The following TESK2 variants were observed in gnomAD, a reference collection of about 807,000 sequenced individuals.
TESK2 encodes the protein testis associated actin remodelling kinase 2.
TESK2 carries 39 observed loss-of-function variants against 57.1 expected under a neutral mutation model. The ratio of observed to expected loss-of-function variants is 0.68; its 90% CI spans 0.53 to 0.89. TESK2 has a LOEUF of 0.89. TESK2 is among the 40% of genes least tolerant of loss of function. TESK2 has a pLI of 0.00. For missense variants in TESK2, 646 were observed against 732.1 expected (o/e 0.88, Z 1.36); for synonymous variants, 249 against 267.9 (o/e 0.93, Z 0.69).
rs527974891 is a variant in TESK2, at chr1:45,476,663, C to T, written c.-87+14189G>A. Among the ~76,000 whole-genome samples, 6 of 151,046 alleles carry T rather than the reference C, an allele frequency of 4.0e-5. No homozygotes were observed. The South Asian group carries it at 8.4e-4, about 21-fold the overall frequency. ...GAGATCAAGGCCATCCTGGCTAACA[C>T]GGTGAAACCCCATCTCTACTAAAAA... On this transcript the variant is annotated intron_variant, in intron 1 of 10. Coordinates refer to ENST00000372086, the MANE Select transcript of TESK2 (RefSeq NM_007170.3).
intron 3 of TESK2, among the ~76,000 whole-genome samples, chr1:45,392,754 G>A (rs895961121): frequency 6.6e-6 from 1 of 151,926 alleles, no homozygotes; most frequent in African/African-American, 2.4e-5. Context: ...TGTTGCCCAG[G>A]CTGGTCTCAA....
chr1:45,346,956 T>C (rs773469070), intron 8 of TESK2, 23 bp downstream of exon 8: 1 of 1,612,758 alleles, frequency 6.2e-7, no homozygotes, highest in African/African-American at 1.3e-5. Flanking sequence ...TCAGTGGCAA[T>C]GATCCCCATG....
At chr1:45,438,808 G>A (rs1397280997) in intron 2 of TESK2, among the ~76,000 whole-genome samples, 1 of 152,108 alleles carries the variant, frequency 6.6e-6, no homozygotes, top group South Asian at 2.1e-4. Flanking sequence ...AACTTTTACA[G>A]TGAGATCTCA....
intron 3 of TESK2, among the ~76,000 whole-genome samples, chr1:45,400,567 C>T (rs1022628463): frequency 6.6e-6 from 1 of 152,198 alleles, no homozygotes; most frequent in African/African-American, 2.4e-5. Flanking sequence ...TAGACTTTAA[C>T]TCTTTGTAAA....
intron 2 of TESK2, among the ~76,000 whole-genome samples, chr1:45,422,259 C>T (rs1039551643): frequency 7.9e-5 from 12 of 152,116 alleles, no homozygotes; most frequent in South Asian, 2.1e-4. Flanking sequence ...GGAAACAACA[C>T]GCACCAGGGC....
At chr1:45,447,428 C>G (rs1236788091) in intron 2 of TESK2, among the ~76,000 whole-genome samples, 2 of 151,824 alleles carry the variant, frequency 1.3e-5, no homozygotes, top group Non-Finnish European at 2.9e-5. Context: ...AGGTCAGGAT[C>G]ATAATATCAC....
At chr1:45,364,387 AC>A (rs1647819849) in intron 4 of TESK2, among the ~76,000 whole-genome samples, 1 of 152,212 alleles carries the variant, frequency 6.6e-6, no homozygotes, top group South Asian at 2.1e-4. Flanking sequence ...TTGGACTGAG[AC>A]ATCTACAAGC....
chr1:45,392,445 G>C (rs1649184361), intron 3 of TESK2, among the ~76,000 whole-genome samples: 1 of 151,194 alleles, frequency 6.6e-6, no homozygotes, highest in Non-Finnish European at 1.5e-5. Context: ...GCTCACGCCT[G>C]TAATCCCAGC....
chr1:45,464,403 G>A (rs947449353), intron 1 of TESK2, among the ~76,000 whole-genome samples: 9 of 146,756 alleles, frequency 6.1e-5, no homozygotes, highest in Non-Finnish European at 1.3e-4. Flanking sequence ...CAGCCTTGGC[G>A]ACAGAGCAAG....
intron 2 of TESK2, among the ~76,000 whole-genome samples, chr1:45,443,602 C>T (rs367841316): frequency 2.2e-5 from 2 of 89,478 alleles, no homozygotes; most frequent in African/African-American, 8.7e-5. Flanking sequence ...AAAAGGCATA[C>T]AAATAAACTA....
At chr1:45,472,558 CAAAAAA>C (rs11294894) in intron 1 of TESK2, among the ~76,000 whole-genome samples, 1 of 107,046 alleles carries the variant, frequency 9.3e-6, no homozygotes, top group Non-Finnish European at 1.9e-5. Context: ...AACTCCATCT[CAAAAAA>C]AAAAAAAAAA....
At chr1:45,486,727 C>CCATAAA (rs1653490306) in intron 1 of TESK2, among the ~76,000 whole-genome samples, 1 of 139,136 alleles carries the variant, frequency 7.2e-6, no homozygotes, top group Non-Finnish European at 1.5e-5. Flanking sequence ...TTAACTAAAA[C>CCATAAA]CATAAAAAAA....
At chr1:45,456,665 C>T (rs1652117418) in intron 2 of TESK2, among the ~76,000 whole-genome samples, 2 of 151,626 alleles carry the variant, frequency 1.3e-5, no homozygotes, top group Non-Finnish European at 2.9e-5. Context: ...GGGAGAATTT[C>T]TTAGGCAATG....
At chr1:45,411,109 G>A (rs1451555891) in intron 3 of TESK2, among the ~76,000 whole-genome samples, 1 of 152,186 alleles carries the variant, frequency 6.6e-6, no homozygotes. Flanking sequence ...CTGCTTGGGA[G>A]TCATGTGGCT....
At chr1:45,477,867 G>A (rs987703343) in intron 1 of TESK2, among the ~76,000 whole-genome samples, 3 of 152,136 alleles carry the variant, frequency 2.0e-5, no homozygotes, top group Non-Finnish European at 4.4e-5. Flanking sequence ...CCCTTCTGAT[G>A]TAGTGTTGAC....
At chr1:45,472,470 A>T (rs999219024) in intron 1 of TESK2, among the ~76,000 whole-genome samples, 16 of 151,482 alleles carry the variant, frequency 1.1e-4, no homozygotes, top group Non-Finnish European at 1.9e-4. Context: ...AGGCAGAAGA[A>T]TCGCTTGAAC....
intron 3 of TESK2, among the ~76,000 whole-genome samples, chr1:45,405,899 G>C (rs2149281854): frequency 6.6e-6 from 1 of 151,376 alleles, no homozygotes; most frequent in East Asian, 2.0e-4. Flanking sequence ...TTTTTTCTTG[G>C]AGAAATAAGA....
At chr1:45,464,563 C>CTTT in intron 1 of TESK2, among the ~76,000 whole-genome samples, 1 of 152,146 alleles carries the variant, frequency 6.6e-6, no homozygotes, top group East Asian at 1.9e-4. Context: ...AGATTGTTTG[C>CTTT]TGTTGGCACA....
At chr1:45,360,646 A>G (rs1252113467) in intron 4 of TESK2, among the ~76,000 whole-genome samples, 1 of 152,198 alleles carries the variant, frequency 6.6e-6, no homozygotes, top group African/African-American at 2.4e-5. Flanking sequence ...CAAACCAAGG[A>G]CCAGAGAGGG....
Sources: allele counts gnomAD v4.1 joint callset (sites outside exome capture counted in the v4.1 genomes callset), GRCh38; gene constraint gnomAD v4.1.1; transcripts MANE v1.5; gene names NCBI Gene and HGNC (gene_info 2026-07-23, HGNC 2026-07-21).